The following TMEM181 variants were observed in gnomAD, a reference collection of about 807,000 sequenced individuals.
TMEM181 encodes transmembrane protein 181, also known as G protein-coupled receptor 178.
TMEM181 carries 39 observed loss-of-function variants against 71.9 expected under a neutral mutation model. The ratio of observed to expected loss-of-function variants is 0.54; its 90% CI spans 0.42 to 0.71. The LOEUF (loss-of-function observed/expected upper bound fraction) is 0.71, where lower values mean the gene tolerates loss of function less well. Among genes scored for constraint, TMEM181 ranks in the 30% least tolerant of loss-of-function variants. The pLI is 0.00. For synonymous variants in TMEM181, 245 were observed against 228.8 expected (o/e 1.07, Z -0.64); for missense variants, 595 against 583.0 (o/e 1.02, Z -0.21).
Position 158,626,878 on chromosome 6 carries a change from A to T in TMEM181, c.1109+1124A>T, listed in dbSNP as rs530363836. ...CACATCCTCACACCCTCACTCTCAC[A>T]CTCTCACACCCCCACACCTTCACTC... On this transcript the variant is annotated intron_variant, in intron 13 of 16. Transcript: ENST00000684151. Among the ~76,000 whole-genome samples the T allele has an allele frequency of 2.9e-5, 4 of 139,984 alleles. No individual in the cohort carries two copies. In the East Asian group the frequency reaches 6.4e-4, roughly 22 times the overall value. The allele number at this position is 139,984 out of a possible 152,430, so 91.8% of individuals were successfully genotyped here.
intron 6 of TMEM181, among the ~76,000 whole-genome samples, chr6:158,600,324 GT>G (rs1294068171): frequency 6.6e-6 from 1 of 151,800 alleles, no homozygotes. Context: ...CCACGTCTCT[GT>G]TTTTAGTAGA....
intron 13 of TMEM181, among the ~76,000 whole-genome samples, chr6:158,626,149 C>T (rs1303535848): frequency 2.0e-5 from 3 of 152,196 alleles, no homozygotes; most frequent in African/African-American, 4.8e-5. Flanking sequence ...CAGCATGCTC[C>T]ATTGCTGCCA....
chr6:158,627,859 G>GA (rs931980564), intron 13 of TMEM181, among the ~76,000 whole-genome samples: 6 of 152,172 alleles, frequency 3.9e-5, no homozygotes, highest in Admixed American at 3.9e-4. Flanking sequence ...GCAGGTGGGG[G>GA]AGGAGCCTGT....
intron 1 of TMEM181, among the ~76,000 whole-genome samples, chr6:158,545,746 C>T (rs1400557403): frequency 6.6e-6 from 1 of 151,744 alleles, no homozygotes; most frequent in African/African-American, 2.4e-5. Context: ...AGTGGCTCCT[C>T]ATAGTGCAGT....
chr6:158,548,186 T>C (rs968424604), intron 1 of TMEM181, among the ~76,000 whole-genome samples: 5 of 152,068 alleles, frequency 3.3e-5, no homozygotes, highest in Non-Finnish European at 7.4e-5. Context: ...AGTTTGGAAA[T>C]AAACCAGCCG....
At chr6:158,578,573 C>T (rs1038856132) in intron 2 of TMEM181, among the ~76,000 whole-genome samples, 1 of 151,816 alleles carries the variant, frequency 6.6e-6, no homozygotes, top group Non-Finnish European at 1.5e-5. Flanking sequence ...TTGAAAGAGG[C>T]GGGGATGGAG....
In TMEM181 at chr6:158,626,241, C is replaced by T. The variant is rs369120605; in HGVS notation, c.1109+487C>T. Among the ~76,000 whole-genome samples, 8 of 152,300 alleles carry T rather than the reference C, an allele frequency of 5.3e-5. No homozygotes were observed. The East Asian group carries it at 1.2e-3, about 22-fold the overall frequency. ...AGCCTGAGGTCTCCCAGGGCAGGCT[C>T]GGCCTGGCCTGAGTGCCCCAGACCT... is the stretch of plus-strand genomic sequence containing the variant. On this transcript the variant is annotated intron_variant, in intron 13 of 16. Transcript: ENST00000684151.
At chr6:158,608,535 C>G (rs1396472489) in intron 9 of TMEM181, 72 bp downstream of exon 9, 2 of 1,609,610 alleles carry the variant, frequency 1.2e-6, no homozygotes, top group Non-Finnish European at 1.7e-6. Flanking sequence ...CTGAGGACAG[C>G]CCAGAAAGGT....
chr6:158,612,173 GTT>G (rs1175896348), intron 10 of TMEM181, among the ~76,000 whole-genome samples: 4 of 152,184 alleles, frequency 2.6e-5, no homozygotes, highest in Non-Finnish European at 4.4e-5. Context: ...TCTTATCTGT[GTT>G]TTACTGTCTA....
At chr6:158,598,670 TTTTA>T (rs1007496023) in intron 6 of TMEM181, among the ~76,000 whole-genome samples, 5 of 151,682 alleles carry the variant, frequency 3.3e-5, no homozygotes, top group Non-Finnish European at 5.9e-5. Context: ...TTCATTTTTA[TTTTA>T]TTTATTTATT....
Position 158,605,152 on chromosome 6 carries a change from GTGTGTGTA to G in TMEM181, c.493-109_493-102del, listed in dbSNP as rs1323918327. On this transcript the variant is annotated intron_variant, in intron 6 of 16. Transcript: ENST00000684151. Reference sequence around the variant, plus strand: ...AAAAAGTGTGTGTGTGTGTGTGTGTGTGTGTGTATGTGTATATATTGTCTCATCTAGAG... The same window carrying G: ...AAAAAGTGTGTGTGTGTGTGTGTGTGTGTGTATATATTGTCTCATCTAGAG... The G allele has an allele frequency of 2.2e-5, 12 of 554,388 alleles. 1 individual carries two copies. The South Asian group carries it at 2.3e-4, about 11-fold the overall frequency. The allele number at this position is 554,388 out of a possible 1,614,324, so 34.3% of individuals were successfully genotyped here.
rs1300590683 is a variant in TMEM181 at position 158,632,714 on chromosome 6, G to GT, written c.*829dup. The GT allele has an allele frequency of 1.3e-5, 2 of 152,224 alleles. No individual in the cohort carries two copies. Among genetic ancestry groups the GT allele is most frequent in the Admixed American group, 1.3e-4 (2 of 15,278 alleles). The allele number at this position is 152,224 out of a possible 1,614,324, so 9.4% of individuals were successfully genotyped here. On this transcript the variant is annotated 3_prime_UTR_variant, in exon 17 of 17. Coordinates refer to ENST00000684151, the MANE Select transcript of TMEM181 (RefSeq NM_001376852.1). ...ACCCTTACCATTCCAGTAAATAGCA[G>GT]TTTCTGCAATTCTGTTGAATATGAA...
At chr6:158,616,911 A>G (rs999234951) in intron 10 of TMEM181, among the ~76,000 whole-genome samples, 14 of 152,170 alleles carry the variant, frequency 9.2e-5, no homozygotes, top group East Asian at 3.8e-4. Flanking sequence ...GGATTTTCAC[A>G]TCAATGTTCA....
At position 158,605,154 on chromosome 6, in the gene TMEM181, G is replaced by GTGTGTGTGTGTGTGTGTA. The variant is rs1363569648; in HGVS notation, c.493-108_493-107insGTGTGTGTGTGTATGTGT. 8.7e-6 allele frequency: 5 copies of GTGTGTGTGTGTGTGTGTA among 575,734 alleles called. No individual in the cohort carries two copies. The African/African-American group carries it at 1.0e-4, about 11-fold the overall frequency. 35.7% of individuals were successfully genotyped at this position (575,734 alleles called of 1,614,324 possible). A position where few individuals can be genotyped will look rare whatever the true frequency, so the allele number is the denominator to read the frequency against. ...AAAGTGTGTGTGTGTGTGTGTGTGT[G>GTGTGTGTGTGTGTGTGTA]TGTGTATGTGTATATATTGTCTCAT... On this transcript the variant is annotated intron_variant, in intron 6 of 16. Coordinates refer to ENST00000684151, the MANE Select transcript of TMEM181 (RefSeq NM_001376852.1).
intron 6 of TMEM181, among the ~76,000 whole-genome samples, chr6:158,590,389 G>A (rs914685591): frequency 4.0e-5 from 6 of 150,320 alleles, no homozygotes; most frequent in Non-Finnish European, 8.9e-5. Context: ...AAAAAAAACA[G>A]CTTTATCAAA....
chr6:158,623,686 G>T, intron 11 of TMEM181, 79 bp downstream of exon 11: 1 of 1,057,740 alleles, frequency 9.5e-7, no homozygotes, highest in East Asian at 2.5e-5. Context: ...GACTTAAATT[G>T]TTCTGTTGAG....
At chr6:158,548,454 G>C (rs1174031059) in intron 1 of TMEM181, among the ~76,000 whole-genome samples, 1 of 152,196 alleles carries the variant, frequency 6.6e-6, no homozygotes, top group African/African-American at 2.4e-5. Context: ...TGGTTTGTCT[G>C]GGACTGAGGG....
chr6:158,601,419 T>A (rs1784663465), intron 6 of TMEM181, among the ~76,000 whole-genome samples: 1 of 152,046 alleles, frequency 6.6e-6, no homozygotes, highest in Non-Finnish European at 1.5e-5. Flanking sequence ...TGGTGGCACA[T>A]GCCTGTAATC....
intron 6 of TMEM181, among the ~76,000 whole-genome samples, chr6:158,599,584 C>G (rs146737682): frequency 3.9e-5 from 6 of 152,312 alleles, no homozygotes; most frequent in Admixed American, 1.3e-4. Context: ...ACAAACAAAA[C>G]CCCCAAACCC....
Sources: allele counts gnomAD v4.1 joint callset (sites outside exome capture counted in the v4.1 genomes callset), GRCh38; gene constraint gnomAD v4.1.1; transcripts MANE v1.5; gene names NCBI Gene and HGNC (gene_info 2026-07-23, HGNC 2026-07-21).